The following SEMA3D variants were observed in gnomAD, a reference collection of about 807,000 sequenced individuals.
SEMA3D encodes the protein semaphorin-3D.
Under a neutral mutation model 100.1 loss-of-function variants are expected in SEMA3D, and 84 were observed. The observed-to-expected ratio is 0.84, with a 90% CI of 0.70 to 1.01. The LOEUF (loss-of-function observed/expected upper bound fraction) is 1.01. Among genes scored for constraint, SEMA3D ranks in the 50% least tolerant of loss-of-function variants. The pLI is 0.00. For synonymous variants in SEMA3D, 312 were observed against 320.7 expected (o/e 0.97, Z 0.29); for missense variants, 875 against 934.1 (o/e 0.94, Z 0.82).
At chr7:85,138,961 T>C (rs545297644) in intron 2 of SEMA3D, among the ~76,000 whole-genome samples, 2 of 152,054 alleles carry the variant, frequency 1.3e-5, no homozygotes, top group African/African-American at 2.4e-5. Context: ...CCTGGCAACA[T>C]TGAGAAGGCA....
intron 2 of SEMA3D, among the ~76,000 whole-genome samples, chr7:85,130,857 C>G (rs1562829762): frequency 6.6e-6 from 1 of 152,098 alleles, no homozygotes; most frequent in Non-Finnish European, 1.5e-5. Context: ...AACACACTAG[C>G]ACAGTGGTTA....
intron 1 of SEMA3D, among the ~76,000 whole-genome samples, chr7:85,169,925 T>G (rs1425471396): frequency 6.6e-6 from 1 of 151,804 alleles, no homozygotes; most frequent in Non-Finnish European, 1.5e-5. Context: ...TTAAATTATT[T>G]ATTTTGATGT....
intron 7 of SEMA3D, 143 bp downstream of exon 7, chr7:85,068,048 T>G: frequency 1.7e-6 from 1 of 603,912 alleles, no homozygotes; most frequent in South Asian, 2.0e-5. Context: ...TACAGACAAA[T>G]TTGGCACTAA....
Position 85,092,680 on chromosome 7 carries a change from A to G in SEMA3D, c.312+5125T>C, listed in dbSNP as rs117329989. 2.5e-3 allele frequency among the ~76,000 whole-genome samples: 381 copies of G among 152,132 alleles called. 2 individuals carry two copies. Among genetic ancestry groups the G allele is most frequent in the Non-Finnish European group, 3.2e-3 (214 of 67,936 alleles). ...ATAATGCTAAATACTATGACTATAGAATAACATATTATGTAAGTCTTTGAA... is the reference window on the plus strand; with the variant it reads ...ATAATGCTAAATACTATGACTATAGGATAACATATTATGTAAGTCTTTGAA... On this transcript the variant is annotated intron_variant, in intron 4 of 18. Coordinates refer to ENST00000284136, the MANE Select transcript of SEMA3D (RefSeq NM_001384900.1).
At chr7:85,084,531 A>C (rs1788162179) in intron 4 of SEMA3D, among the ~76,000 whole-genome samples, 1 of 152,186 alleles carries the variant, frequency 6.6e-6, no homozygotes, top group Non-Finnish European at 1.5e-5. Flanking sequence ...TAATGCACTC[A>C]AAATATATTT....
chr7:85,208,207 G>T, the SEMA3D span, among the ~76,000 whole-genome samples: 1 of 150,994 alleles, frequency 6.6e-6, no homozygotes, highest in Non-Finnish European at 1.5e-5. Context: ...AAAATATTTT[G>T]ATATATAATG....
At chr7:85,176,660 A>G (rs1791236553) in intron 1 of SEMA3D, among the ~76,000 whole-genome samples, 1 of 152,060 alleles carries the variant, frequency 6.6e-6, no homozygotes, top group Non-Finnish European at 1.5e-5. Context: ...TGACTGAAGG[A>G]AAGCTTCCTG....
intron 6 of SEMA3D, 95 bp downstream of exon 6, chr7:85,072,866 AG>A: frequency 1.0e-6 from 1 of 986,328 alleles, no homozygotes; most frequent in Non-Finnish European, 1.5e-6. Context: ...TATATGTTTC[AG>A]TCCTTATATT....
At chr7:85,034,885 A>G (rs550252528) in intron 12 of SEMA3D, among the ~76,000 whole-genome samples, 31 of 152,248 alleles carry the variant, frequency 2.0e-4, no homozygotes, top group Non-Finnish European at 3.2e-4. Flanking sequence ...GCAAAATGGT[A>G]CTGCCACTAT....
At chr7:85,104,779 A>T (rs775753536) in intron 3 of SEMA3D, among the ~76,000 whole-genome samples, 2 of 148,356 alleles carry the variant, frequency 1.3e-5, no homozygotes, top group South Asian at 2.1e-4. Context: ...TACATAGATT[A>T]AAAAAAAAAG....
intron 1 of SEMA3D, among the ~76,000 whole-genome samples, chr7:85,176,156 T>C (rs907643594): frequency 5.3e-5 from 8 of 152,108 alleles, no homozygotes; most frequent in Non-Finnish European, 2.9e-5. Context: ...TTAAAAAGTT[T>C]TAGTGAGAAT....
intron 2 of SEMA3D, among the ~76,000 whole-genome samples, chr7:85,129,970 C>G (rs1191986994): frequency 6.6e-6 from 1 of 151,990 alleles, no homozygotes; most frequent in African/African-American, 2.4e-5. Flanking sequence ...CCTATATAGC[C>G]TAATTTTATT....
intron 16 of SEMA3D, among the ~76,000 whole-genome samples, 173 bp from the exon 17 acceptor site, chr7:85,013,019 G>A (rs2115791066): frequency 6.6e-6 from 1 of 151,828 alleles, no homozygotes; most frequent in African/African-American, 2.4e-5. Flanking sequence ...AAAACTACTG[G>A]TAATGAGGTC....
chr7:85,172,963 C>T (rs970691520), intron 1 of SEMA3D, among the ~76,000 whole-genome samples: 1 of 151,882 alleles, frequency 6.6e-6, no homozygotes, highest in Non-Finnish European at 1.5e-5. Flanking sequence ...ACAAAAGATC[C>T]CAAGAGCAAT....
At chr7:85,201,617 CT>C in the SEMA3D span, among the ~76,000 whole-genome samples, 4 of 152,062 alleles carry the variant, frequency 2.6e-5, no homozygotes, top group Non-Finnish European at 5.9e-5. Context: ...CCCTCTTGTT[CT>C]TTGGGAGTTT....
At chr7:85,215,226 T>C in the SEMA3D span, among the ~76,000 whole-genome samples, 3 of 152,046 alleles carry the variant, frequency 2.0e-5, no homozygotes, top group Non-Finnish European at 4.4e-5. Flanking sequence ...ACTAGGGCTT[T>C]AGAAGTTGTC....
chr7:85,061,630 C>T (rs527345912), intron 8 of SEMA3D, among the ~76,000 whole-genome samples: 66 of 152,120 alleles, frequency 4.3e-4, no homozygotes, highest in Admixed American at 3.7e-3. Flanking sequence ...TCTGGAAAAT[C>T]GCCCATTTCT....
the SEMA3D span, among the ~76,000 whole-genome samples, chr7:85,205,635 C>T: frequency 1.3e-5 from 2 of 152,026 alleles, no homozygotes; most frequent in African/African-American, 4.8e-5. Flanking sequence ...GACAATTTGT[C>T]CTTCTTTTGC....
intron 2 of SEMA3D, chr7:85,140,996 T>C (rs895198887): frequency 1.5e-6 from 1 of 647,186 alleles, no homozygotes; most frequent in Non-Finnish European, 1.9e-6. Flanking sequence ...AATGAGATTA[T>C]ATCAATAATC....
Sources: gnomAD v4.1 joint callset for allele counts (sites outside exome capture counted in the v4.1 genomes callset) on GRCh38, gnomAD v4.1.1 for gene constraint, MANE v1.5 for transcripts, NCBI Gene and HGNC (gene_info 2026-07-23, HGNC 2026-07-21) for gene names.